Variants in GFOD1 observed in about 807,000 individuals in gnomAD.
GFOD1 encodes the protein glucose-fructose oxidoreductase domain-containing protein 1.
Under a neutral mutation model 25.4 loss-of-function variants are expected in GFOD1, and 9 were observed. The ratio of observed to expected loss-of-function variants is 0.35; its 90% CI spans 0.21 to 0.62. The LOEUF (loss-of-function observed/expected upper bound fraction) is 0.62, where lower values mean the gene tolerates loss of function less well. Ranked by LOEUF, GFOD1 falls within the 20% of genes least tolerant of loss-of-function variation. GFOD1 has a pLI of 0.72. For synonymous variants in GFOD1, 253 were observed against 245.6 expected (o/e 1.03, Z -0.28); for missense variants, 403 against 556.9 (o/e 0.72, Z 2.78).
chr6:13,431,963 T>C (rs1181745065), intron 1 of GFOD1, among the ~76,000 whole-genome samples: 1 of 152,156 alleles, frequency 6.6e-6, no homozygotes, highest in Non-Finnish European at 1.5e-5. Flanking sequence ...TCAAAATCAC[T>C]AAGAGACCAT....
chr6:13,391,316 G>A (rs950392176), intron 1 of GFOD1, among the ~76,000 whole-genome samples: 11 of 151,998 alleles, frequency 7.2e-5, no homozygotes, highest in Non-Finnish European at 1.3e-4. Flanking sequence ...TGGCCAACAT[G>A]GCAAAACCCC....
chr6:13,440,277 C>T (rs915135475), intron 1 of GFOD1, among the ~76,000 whole-genome samples: 3 of 152,062 alleles, frequency 2.0e-5, no homozygotes, highest in African/African-American at 7.2e-5. Context: ...GCAACCTCTG[C>T]CGCCAGGTTC....
chr6:13,382,852 T>A (rs1047914909), intron 1 of GFOD1, among the ~76,000 whole-genome samples: 1 of 152,144 alleles, frequency 6.6e-6, no homozygotes, highest in Non-Finnish European at 1.5e-5. Flanking sequence ...CCAGTGTGTG[T>A]TGTTCCCCTT....
At chr6:13,407,411 G>A (rs2127564944) in intron 1 of GFOD1, among the ~76,000 whole-genome samples, 1 of 152,230 alleles carries the variant, frequency 6.6e-6, no homozygotes, top group South Asian at 2.1e-4. Flanking sequence ...CAGCTCCCGG[G>A]CCTCAAAGAC....
intron 1 of GFOD1, among the ~76,000 whole-genome samples, chr6:13,439,511 G>A (rs574426667): frequency 2.0e-4 from 30 of 152,332 alleles, no homozygotes; most frequent in South Asian, 1.0e-3. Context: ...TGAGCTCACC[G>A]GGCACAGTAG....
intron 1 of GFOD1, among the ~76,000 whole-genome samples, chr6:13,382,015 C>T (rs1182928223): frequency 6.6e-6 from 1 of 151,976 alleles, no homozygotes; most frequent in African/African-American, 2.4e-5. Context: ...TAGGAATCAT[C>T]TCACTGAATC....
rs1274635215 is a variant in GFOD1, at chr6:13,365,094, C to T, written c.822G>A (p.Glu274=). The T allele has an allele frequency of 2.5e-6, 4 of 1,612,448 alleles. No homozygotes were observed. In the East Asian group the frequency reaches 8.9e-5, roughly 36 times the overall value. ...DLYGQRNSAP[E]QELLVQDATP... The stretch of plus-strand genomic sequence containing the variant: ...TGGCGTCCTGCACCAGCAGCTCCTG[C>T]TCCGGGGCGCTGTTGCGCTGCCCGT... Residue 274 remains glutamate (E), a synonymous_variant, in exon 2 of 2, where the codon GAG becomes GAA. Coordinates refer to ENST00000379287, the MANE Select transcript of GFOD1 (RefSeq NM_018988.4). This position sits in a 1 kb window ranked among gnomAD's most constrained non-coding sequence, Gnocchi z 9.2.
intron 1 of GFOD1, among the ~76,000 whole-genome samples, chr6:13,478,084 A>C (rs919933153): frequency 9.2e-5 from 14 of 151,568 alleles, no homozygotes; most frequent in Non-Finnish European, 1.8e-4. Context: ...AAAACAAAAC[A>C]AAGAAACAAA....
intron 1 of GFOD1, among the ~76,000 whole-genome samples, chr6:13,459,936 T>C (rs57961047): frequency 0.02 from 3,035 of 152,164 alleles, 105 homozygotes; most frequent in African/African-American, 0.066. Context: ...GAGTTCAAGA[T>C]CAGCCTGGCC....
At chr6:13,415,417 T>C (rs1304246566) in intron 1 of GFOD1, among the ~76,000 whole-genome samples, 1 of 152,108 alleles carries the variant, frequency 6.6e-6, no homozygotes, top group East Asian at 1.9e-4. Context: ...GGTCGTTGAG[T>C]CACCCCCACC....
At chr6:13,417,508 T>C (rs1786182495) in intron 1 of GFOD1, among the ~76,000 whole-genome samples, 2 of 152,200 alleles carry the variant, frequency 1.3e-5, no homozygotes, top group South Asian at 4.1e-4. Flanking sequence ...AATTGCTAAA[T>C]GAGCCGATGG....
intron 1 of GFOD1, among the ~76,000 whole-genome samples, chr6:13,431,099 T>A (rs1209012372): frequency 6.6e-6 from 1 of 152,206 alleles, no homozygotes. Flanking sequence ...TTATTTTGAA[T>A]CACTATGTTA....
Position 13,365,292 on chromosome 6 carries a change from G to C in GFOD1, c.624C>G (p.His208Gln). The part of the protein sequence containing the change: ...LLKTFVKQTD[H>Q]IKGIRQITSD... ...TGGTGATCTGTCGGATGCCCTTGAT[G>C]TGGTCAGTCTGCTTCACGAAGGTCT... is the stretch of plus-strand genomic sequence containing the variant. The change falls in exon 2 of 2, where the codon CAC becomes CAG. Residue 208 changes from histidine to glutamine, a missense_variant. Transcript: ENST00000379287. This position sits in a 1 kb window ranked among gnomAD's most constrained non-coding sequence, Gnocchi z 9.2. 1 of 1,614,214 alleles carries C rather than the reference G, an allele frequency of 6.2e-7. No individual in the cohort carries two copies. The highest frequency in any genetic ancestry group is 8.5e-7 in the Non-Finnish European group (1 of 1,180,030).
At chr6:13,405,419 C>A (rs975861349) in intron 1 of GFOD1, among the ~76,000 whole-genome samples, 2 of 152,184 alleles carry the variant, frequency 1.3e-5, no homozygotes, top group Non-Finnish European at 2.9e-5. Context: ...TCAGTATAAA[C>A]ATTTCTCTTT....
At chr6:13,428,593 G>T (rs1019410218) in intron 1 of GFOD1, among the ~76,000 whole-genome samples, 1 of 152,126 alleles carries the variant, frequency 6.6e-6, no homozygotes, top group Non-Finnish European at 1.5e-5. Context: ...ATGGAAAAAG[G>T]CTCAGGGCTT....
At chr6:13,400,423 C>A (rs895852700) in intron 1 of GFOD1, among the ~76,000 whole-genome samples, 2 of 152,130 alleles carry the variant, frequency 1.3e-5, no homozygotes, top group African/African-American at 4.8e-5. Context: ...GGGTTAGTGC[C>A]TGGCCATACT....
intron 1 of GFOD1, among the ~76,000 whole-genome samples, chr6:13,443,816 TAAA>T (rs34976657): frequency 1.8e-5 from 2 of 112,164 alleles, no homozygotes; most frequent in African/African-American, 7.4e-5. Context: ...GACTCAGTCT[TAAA>T]AAAAAAAAAA....
chr6:13,479,994 C>T (rs1177733739), intron 1 of GFOD1, among the ~76,000 whole-genome samples: 1 of 152,202 alleles, frequency 6.6e-6, no homozygotes, highest in African/African-American at 2.4e-5. Context: ...TTATCTGCAG[C>T]CTTATTTCCG....
Position 13,365,694 on chromosome 6 carries a change from GGCAGGACCATGTCC to G in GFOD1, c.254-46_254-33del. On this transcript the variant is annotated intron_variant, in intron 1 of 1. Coordinates refer to ENST00000379287, the MANE Select transcript of GFOD1 (RefSeq NM_018988.4). The surrounding 1 kb of genome is among the most constrained non-coding windows in gnomAD (Gnocchi z 9.2). ...GTGGGAGGAAGACAGCGGTCAGCGG[GGCAGGACCATGTCC>G]GAGCGCGCGTCCCTGGGTCAGATCT... is the stretch of plus-strand genomic sequence containing the variant. 2.0e-6 allele frequency: 3 copies of G among 1,489,420 alleles called. No homozygotes were observed. Among genetic ancestry groups the G allele is most frequent in the Non-Finnish European group, 2.8e-6 (3 of 1,085,148 alleles). The allele number at this position is 1,489,420 out of a possible 1,614,324, so 92.3% of individuals were successfully genotyped here.
Sources: gnomAD v4.1 joint callset for allele counts (sites outside exome capture counted in the v4.1 genomes callset) on GRCh38, gnomAD v4.1.1 for gene constraint, Gnocchi (gnomAD v3.1) non-coding constraint, MANE v1.5 for transcripts, NCBI Gene and HGNC (gene_info 2026-07-23, HGNC 2026-07-21) for gene names.